RALGAPB: variants seen among roughly 807,000 people sequenced by gnomAD.
RALGAPB encodes the protein Ral GTPase activating protein non-catalytic subunit beta.
A neutral mutation model predicts 161.1 loss-of-function variants in RALGAPB; 25 were observed. The observed-to-expected ratio is 0.16, with a 90% CI of 0.11 to 0.22. The LOEUF is 0.22. Among genes scored for constraint, RALGAPB ranks in the 10% least tolerant of loss-of-function variants. The pLI, the probability that RALGAPB is intolerant of heterozygous loss-of-function variation, is 1.00. For synonymous variants in RALGAPB, 629 were observed against 626.1 expected, an observed-to-expected ratio of 1.00 and a Z score of -0.07; for missense variants, 1,391 against 1,815.2, an observed-to-expected ratio of 0.77 and a Z score of 4.25.
In RALGAPB at chr20:38,562,653, G is replaced by A; in HGVS notation, c.3653G>A (p.Ser1218Asn). 1 of 1,613,788 alleles carries A rather than the reference G, an allele frequency of 6.2e-7. No homozygotes were observed. Among genetic ancestry groups the A allele is most frequent in the Non-Finnish European group, 8.5e-7 (1 of 1,179,852 alleles). Residue 1218 changes from serine to asparagine, a missense_variant, in exon 24 of 30, where the codon AGT becomes AAT. Ser to Asn is a conservative substitution (Grantham distance 46, BLOSUM62 1). Coordinates refer to ENST00000262879, the MANE Select transcript of RALGAPB (RefSeq NM_020336.4). ...GGTTGGACTGGGCATGTTTCTACCA[G>A]TTGGTCTATTAATTGTTGTGATGAT... ...HPGWTGHVST[S>N]WSINCCDDGE... is the part of the protein sequence containing the mutation.
intron 16 of RALGAPB, among the ~76,000 whole-genome samples, chr20:38,537,054 G>A (rs1350321403): frequency 6.6e-6 from 1 of 152,184 alleles, no homozygotes; most frequent in African/African-American, 2.4e-5. Flanking sequence ...GCACTGCTCT[G>A]GACCTGCCTA....
At chr20:38,562,821 CATGCCTGTCTTCAAG>C in intron 24 of RALGAPB, 124 bp downstream of exon 24, 1 of 1,071,768 alleles carries the variant, frequency 9.3e-7, no homozygotes, top group Non-Finnish European at 1.3e-6. Flanking sequence ...TACAGTGGCG[CATGCCTGTCTTCAAG>C]AAGCCAAGGT....
intron 2 of RALGAPB, among the ~76,000 whole-genome samples, chr20:38,492,618 A>C (rs928561802): frequency 3.9e-5 from 6 of 152,186 alleles, no homozygotes; most frequent in Admixed American, 3.9e-4. Context: ...TCTAATCTCT[A>C]TGGAAATTTG....
At position 38,492,892 on chromosome 20, in the gene RALGAPB, C is replaced by A. The variant is rs200595696; in HGVS notation, c.187-38C>A. The stretch of plus-strand genomic sequence containing the variant: ...TTAAATCAGTCTACTGAGATAGGAA[C>A]GTGTAATAATTCTATATGGATATTT... On this transcript the variant is annotated intron_variant, in intron 2 of 29. Transcript: ENST00000262879. 4.5e-5 allele frequency: 67 copies of A among 1,494,242 alleles called. No homozygotes were observed. The African/African-American group carries it at 8.7e-4, about 19-fold the overall frequency. The allele number at this position is 1,494,242 out of a possible 1,614,324, so 92.6% of individuals were successfully genotyped here.
chr20:38,514,245 C>A (rs1434160310), intron 6 of RALGAPB, among the ~76,000 whole-genome samples: 1 of 152,218 alleles, frequency 6.6e-6, no homozygotes, highest in Non-Finnish European at 1.5e-5. Flanking sequence ...TTTTGATTCT[C>A]TTGTGCATGC....
At chr20:38,507,877 A>T (rs1193775078) in intron 5 of RALGAPB, among the ~76,000 whole-genome samples, 1 of 151,956 alleles carries the variant, frequency 6.6e-6, no homozygotes, top group African/African-American at 2.4e-5. Context: ...TGGTGATATG[A>T]ATGCTTTATA....
At chr20:38,547,308 G>T (rs911009780) in intron 19 of RALGAPB, 1 of 152,174 alleles carries the variant, frequency 6.6e-6, no homozygotes, top group Non-Finnish European at 1.5e-5. Context: ...TTATTGCTGG[G>T]AAGGGGAAGG....
chr20:38,578,831 A>G lies in RALGAPB; in HGVS notation c.*3864A>G, dbSNP rs1409576451. The G allele has an allele frequency of 6.6e-6, 1 of 152,624 alleles. No homozygotes were observed. The highest frequency in any genetic ancestry group is 1.5e-5 in the Non-Finnish European group (1 of 68,040). 9.5% of individuals were successfully genotyped at this position (152,624 alleles called of 1,614,324 possible). The stretch of plus-strand genomic sequence containing the variant: ...ATATTGAATGTAATACATTTAGTCA[A>G]TTAAATTTTAAGGAGATTCTTATCT... On this transcript the variant is annotated 3_prime_UTR_variant, in exon 30 of 30. Transcript: ENST00000262879.
intron 6 of RALGAPB, among the ~76,000 whole-genome samples, chr20:38,515,301 A>G (rs2086091961): frequency 6.6e-6 from 1 of 152,206 alleles, no homozygotes; most frequent in Non-Finnish European, 1.5e-5. Context: ...GGTGGGTGGA[A>G]AAAGAGGTTT....
chr20:38,490,157 A>T (rs1349009620), intron 2 of RALGAPB, among the ~76,000 whole-genome samples: 3 of 144,256 alleles, frequency 2.1e-5, no homozygotes, highest in African/African-American at 7.8e-5. Flanking sequence ...CTACAGGCAC[A>T]TGCCACCATA....
intron 28 of RALGAPB, among the ~76,000 whole-genome samples, chr20:38,572,596 G>T (rs1314986138): frequency 1.3e-5 from 2 of 152,136 alleles, no homozygotes; most frequent in Admixed American, 6.5e-5. Flanking sequence ...TTCTAATATT[G>T]TTAGGTGATT....
intron 19 of RALGAPB, chr20:38,547,668 CTTCTG>C (rs1169104047): frequency 6.6e-6 from 1 of 152,194 alleles, no homozygotes; most frequent in Non-Finnish European, 1.5e-5. Context: ...CCATCATAAA[CTTCTG>C]TTGTGTTGTG....
At chr20:38,503,121 C>G (rs545884951) in intron 5 of RALGAPB, among the ~76,000 whole-genome samples, 9 of 152,338 alleles carry the variant, frequency 5.9e-5, no homozygotes, top group Admixed American at 4.6e-4. Context: ...TCTGATTTTC[C>G]TTATGATTTT....
intron 10 of RALGAPB, among the ~76,000 whole-genome samples, 162 bp from the exon 11 acceptor site, chr20:38,524,616 G>A (rs1431517019): frequency 6.6e-6 from 1 of 151,734 alleles, no homozygotes; most frequent in African/African-American, 2.4e-5. Flanking sequence ...ACTTTTAAAG[G>A]GTAAAATTCT....
chr20:38,490,215 A>G (rs2085238784), intron 2 of RALGAPB, among the ~76,000 whole-genome samples: 1 of 127,378 alleles, frequency 7.9e-6, no homozygotes, highest in Non-Finnish European at 1.7e-5. Context: ...TTATTTATTA[A>G]TTATTATTTT....
chr20:38,558,263 T>C (rs766981391), intron 22 of RALGAPB, 32 bp from the exon 23 acceptor site: 13 of 1,451,054 alleles, frequency 9.0e-6, no homozygotes, highest in Non-Finnish European at 1.2e-5. Context: ...AGAAAATAGG[T>C]AATAATTGCT....
At chr20:38,558,493 G>A (rs1240904014) in intron 23 of RALGAPB, 40 bp downstream of exon 23, 2 of 1,444,944 alleles carry the variant, frequency 1.4e-6, no homozygotes, top group Non-Finnish European at 1.9e-6. Flanking sequence ...ATGTTTTTGT[G>A]CTATAAATAC....
intron 1 of RALGAPB, among the ~76,000 whole-genome samples, chr20:38,476,491 C>T (rs1204878670): frequency 1.3e-5 from 2 of 152,144 alleles, no homozygotes; most frequent in Non-Finnish European, 2.9e-5. Flanking sequence ...CTTTCGCCCC[C>T]GACCCCTTCC....
chr20:38,564,542 T>G (rs139083952), intron 24 of RALGAPB, among the ~76,000 whole-genome samples: 1 of 152,342 alleles, frequency 6.6e-6, no homozygotes, highest in East Asian at 1.9e-4. Flanking sequence ...CTTGTCCATT[T>G]CCCCTTTCCA....
Sources: gnomAD v4.1 joint callset for allele counts (sites outside exome capture counted in the v4.1 genomes callset) on GRCh38, gnomAD v4.1.1 for gene constraint, MANE v1.5 for transcripts, NCBI Gene and HGNC (gene_info 2026-07-23, HGNC 2026-07-21) for gene names.